The following TBC1D22A variants were observed in gnomAD, a reference collection of about 807,000 sequenced individuals.
TBC1D22A encodes TBC1 domain family member 22A.
TBC1D22A carries 38 observed loss-of-function variants against 60.2 expected under a neutral mutation model. The observed-to-expected ratio is 0.63, with a 90% confidence interval of 0.49 to 0.83. The LOEUF is 0.83. Among genes scored for constraint, TBC1D22A ranks in the 40% least tolerant of loss-of-function variants. The pLI is 0.00. For missense variants in TBC1D22A, 628 were observed against 701.0 expected (o/e 0.90, Z 1.18); for synonymous variants, 302 against 281.7 (o/e 1.07, Z -0.72).
chr22:47,026,575 T>C (rs2062265527), intron 10 of TBC1D22A, among the ~76,000 whole-genome samples: 2 of 152,220 alleles, frequency 1.3e-5, no homozygotes, highest in Admixed American at 1.3e-4. Flanking sequence ...ATACAGGATC[T>C]ACATACAAAA....
At chr22:46,937,907 A>G (rs1043274171) in intron 8 of TBC1D22A, among the ~76,000 whole-genome samples, 1 of 152,210 alleles carries the variant, frequency 6.6e-6, no homozygotes, top group Admixed American at 6.5e-5. Flanking sequence ...AAGAAAAAAT[A>G]ATTTTGGTAC....
At chr22:47,082,843 C>G (rs2064525261) in intron 11 of TBC1D22A, among the ~76,000 whole-genome samples, 1 of 152,202 alleles carries the variant, frequency 6.6e-6, no homozygotes, top group Non-Finnish European at 1.5e-5. Flanking sequence ...TAAACAAACT[C>G]CATTCCTAGG....
intron 4 of TBC1D22A, among the ~76,000 whole-genome samples, chr22:46,859,014 T>G: frequency 8.0e-6 from 1 of 124,278 alleles, no homozygotes; most frequent in South Asian, 2.5e-4. Context: ...ACCAGAATCC[T>G]TTTCGATAGA....
At chr22:47,155,226 A>G (rs2067664655) in intron 12 of TBC1D22A, among the ~76,000 whole-genome samples, 1 of 151,122 alleles carries the variant, frequency 6.6e-6, no homozygotes, top group Admixed American at 6.6e-5. Flanking sequence ...AAAAAAAAAA[A>G]TGAAATGAAT....
At chr22:47,005,644 A>C (rs1157672303) in intron 10 of TBC1D22A, among the ~76,000 whole-genome samples, 7 of 151,104 alleles carry the variant, frequency 4.6e-5, no homozygotes, top group East Asian at 3.9e-4. Context: ...CTGTACACAC[A>C]CACACACACC....
intron 11 of TBC1D22A, among the ~76,000 whole-genome samples, chr22:47,096,257 G>T (rs2065169880): frequency 6.6e-6 from 1 of 152,108 alleles, no homozygotes; most frequent in South Asian, 2.1e-4. Context: ...CCTAAACTTT[G>T]TATTCATCAT....
intron 7 of TBC1D22A, among the ~76,000 whole-genome samples, chr22:46,896,687 C>T (rs1046391934): frequency 2.0e-5 from 3 of 152,148 alleles, no homozygotes; most frequent in Non-Finnish European, 2.9e-5. Context: ...GCAGTATTTA[C>T]GTAGTGTTCC....
intron 7 of TBC1D22A, among the ~76,000 whole-genome samples, chr22:46,898,790 T>C (rs1253348220): frequency 6.6e-6 from 1 of 152,256 alleles, no homozygotes; most frequent in Non-Finnish European, 1.5e-5. Flanking sequence ...GGGAGGCATG[T>C]AGCTTCATCG....
At chr22:46,779,544 C>T (rs760827372) in intron 1 of TBC1D22A, among the ~76,000 whole-genome samples, 12 of 152,186 alleles carry the variant, frequency 7.9e-5, no homozygotes, top group Admixed American at 3.3e-4. Context: ...CAGACGTGAG[C>T]CACAGCGCCT....
At chr22:46,914,639 C>T (rs73888466) in intron 8 of TBC1D22A, 12,898 of 152,290 alleles carry the variant, frequency 0.085, 1,023 homozygotes, top group African/African-American at 0.21. Context: ...GTCATTCACG[C>T]GGCCCTTCAT....
chr22:47,150,899 G>A (rs1390306928), intron 12 of TBC1D22A, among the ~76,000 whole-genome samples: 7 of 152,174 alleles, frequency 4.6e-5, no homozygotes, highest in Non-Finnish European at 8.8e-5. Context: ...TCTTCCTTCC[G>A]TGGGAACTCT....
chr22:47,157,118 G>A (rs1355857326), intron 12 of TBC1D22A, among the ~76,000 whole-genome samples: 1 of 152,224 alleles, frequency 6.6e-6, no homozygotes, highest in Non-Finnish European at 1.5e-5. Context: ...GGCGCCTCCT[G>A]TGGGGGTGAT....
chr22:47,132,177 C>T (rs2066701214), intron 12 of TBC1D22A, among the ~76,000 whole-genome samples: 1 of 152,144 alleles, frequency 6.6e-6, no homozygotes. Context: ...CTTTAGGAGC[C>T]CCCATTTGGT....
At chr22:46,820,945 C>T (rs941258814) in intron 4 of TBC1D22A, among the ~76,000 whole-genome samples, 9 of 149,544 alleles carry the variant, frequency 6.0e-5, no homozygotes, top group African/African-American at 1.9e-4. Context: ...ATAGTTAGCT[C>T]TTCTTGTTGA....
In TBC1D22A at chr22:46,941,764, C is replaced by T. The variant is rs549946697; in HGVS notation, c.1015+29576C>T. Among the ~76,000 whole-genome samples the T allele has an allele frequency of 5.9e-5, 8 of 135,036 alleles. No homozygotes were observed. The South Asian group carries it at 9.2e-4, about 15-fold the overall frequency. 88.6% of individuals were successfully genotyped at this position (135,036 alleles called of 152,430 possible). On this transcript the variant is annotated intron_variant, in intron 8 of 12. Transcript: ENST00000337137. ...TATATATATGCGGAATATATATATA[C>T]GGAATATGTATACGGAATATATATA...
chr22:47,109,741 G>A (rs1424483273), intron 11 of TBC1D22A, among the ~76,000 whole-genome samples: 1 of 152,052 alleles, frequency 6.6e-6, no homozygotes, highest in African/African-American at 2.4e-5. Context: ...GTGGCTCTTG[G>A]TTCCTTTCTC....
chr22:46,805,963 C>T lies in TBC1D22A; in HGVS notation c.637+8343C>T, dbSNP rs372865356. On this transcript the variant is annotated intron_variant, in intron 4 of 12. Coordinates refer to ENST00000337137, the MANE Select transcript of TBC1D22A (RefSeq NM_014346.5). ...CGCCTCCCAGGTTCAAGTGATTCTCCTGCCTCAACCTCCTGAGTAGCTGGG... is the reference window on the plus strand; with the variant it reads ...CGCCTCCCAGGTTCAAGTGATTCTCTTGCCTCAACCTCCTGAGTAGCTGGG... Among the ~76,000 whole-genome samples, 477 of 152,020 alleles carry T rather than the reference C, an allele frequency of 3.1e-3. 1 individual carries two copies. The highest frequency in any genetic ancestry group is 0.011 in the African/African-American group (455 of 41,450).
chr22:46,972,303 C>T (rs2074096755), intron 8 of TBC1D22A, among the ~76,000 whole-genome samples: 1 of 152,204 alleles, frequency 6.6e-6, no homozygotes, highest in Non-Finnish European at 1.5e-5. Flanking sequence ...GTCTCTCACT[C>T]ATGTCTGTGC....
intron 4 of TBC1D22A, among the ~76,000 whole-genome samples, chr22:46,837,571 C>G (rs2086577367): frequency 6.6e-6 from 1 of 151,988 alleles, no homozygotes; most frequent in Non-Finnish European, 1.5e-5. Flanking sequence ...TGGTGTGATA[C>G]TAGAAATAAA....
Sources: allele counts gnomAD v4.1 joint callset (sites outside exome capture counted in the v4.1 genomes callset), GRCh38; gene constraint gnomAD v4.1.1; transcripts MANE v1.5; gene names NCBI Gene and HGNC (gene_info 2026-07-23, HGNC 2026-07-21).